The following AMPH variants were observed in gnomAD, a reference collection of about 807,000 sequenced individuals.
The protein encoded by AMPH is amphiphysin, also known as amphiphysin (Stiff-Mann syndrome with breast cancer 128kD autoantigen).
In AMPH, 49 loss-of-function variants were observed where a neutral mutation model predicts 99.1. The ratio of observed to expected loss-of-function variants is 0.49; its 90% CI spans 0.39 to 0.63. The LOEUF is 0.63. AMPH is among the 20% of genes least tolerant of loss of function. AMPH has a pLI of 0.00. For missense variants in AMPH, 759 were observed against 863.4 expected (o/e 0.88, Z 1.52); for synonymous variants, 314 against 317.3 (o/e 0.99, Z 0.11).
intron 1 of AMPH, among the ~76,000 whole-genome samples, chr7:38,557,332 T>C (rs1167505846): frequency 6.6e-6 from 1 of 152,210 alleles, no homozygotes; most frequent in African/African-American, 2.4e-5. Flanking sequence ...TCATCTTGAA[T>C]TGTAGCTCCC....
chr7:38,623,742 T>C (rs966110763), intron 1 of AMPH, among the ~76,000 whole-genome samples: 1 of 152,198 alleles, frequency 6.6e-6, no homozygotes, highest in Non-Finnish European at 1.5e-5. Flanking sequence ...ATTCTTTTTA[T>C]ACATGCACAC....
intron 1 of AMPH, among the ~76,000 whole-genome samples, chr7:38,588,186 T>C (rs1792734945): frequency 6.6e-6 from 1 of 151,984 alleles, no homozygotes; most frequent in Non-Finnish European, 1.5e-5. Flanking sequence ...ACTTCTGAGC[T>C]CAAGTGATCA....
chr7:38,506,889 C>G (rs1331533082), intron 2 of AMPH, among the ~76,000 whole-genome samples: 1 of 152,168 alleles, frequency 6.6e-6, no homozygotes, highest in Non-Finnish European at 1.5e-5. Context: ...CATGGTCCTT[C>G]CATGGAAATG....
chr7:38,534,427 C>T (rs1262759447), intron 2 of AMPH, among the ~76,000 whole-genome samples: 1 of 152,172 alleles, frequency 6.6e-6, no homozygotes, highest in East Asian at 1.9e-4. Context: ...AATCCCAACA[C>T]TTTGGGAGGC....
intron 14 of AMPH, chr7:38,429,280 C>A (rs1785907395): frequency 7.8e-7 from 1 of 1,286,356 alleles, no homozygotes; most frequent in African/African-American, 1.5e-5. Flanking sequence ...TGTTCATTTC[C>A]ACCTGGAAAG....
chr7:38,390,588 G>C (rs1346747323), intron 19 of AMPH, among the ~76,000 whole-genome samples: 2 of 152,136 alleles, frequency 1.3e-5, no homozygotes, highest in African/African-American at 4.8e-5. Context: ...GGCTTTTAAA[G>C]TGTGTATTTT....
At chr7:38,475,528 G>T in intron 6 of AMPH, 112 bp from the exon 7 acceptor site, 1 of 686,464 alleles carries the variant, frequency 1.5e-6, no homozygotes, top group Non-Finnish European at 2.4e-6. Flanking sequence ...AATATTTTGA[G>T]AAGGAGAGTA....
At chr7:38,410,296 T>C (rs1161103773) in intron 17 of AMPH, among the ~76,000 whole-genome samples, 1 of 152,198 alleles carries the variant, frequency 6.6e-6, no homozygotes, top group African/African-American at 2.4e-5. Context: ...CATTACACTT[T>C]GTTGGCAAAA....
intron 1 of AMPH, among the ~76,000 whole-genome samples, chr7:38,594,780 C>T (rs1399320413): frequency 1.3e-5 from 2 of 151,822 alleles, no homozygotes; most frequent in Non-Finnish European, 2.9e-5. Context: ...CCAAATTTCC[C>T]CTAAAGGAAG....
intron 1 of AMPH, among the ~76,000 whole-genome samples, chr7:38,623,412 A>G (rs1794136613): frequency 6.6e-6 from 1 of 152,228 alleles, no homozygotes; most frequent in South Asian, 2.1e-4. Context: ...ATATGTTTGC[A>G]TTAATAAAAA....
intron 12 of AMPH, among the ~76,000 whole-genome samples, chr7:38,435,693 G>A (rs1786231242): frequency 6.6e-6 from 1 of 152,134 alleles, no homozygotes; most frequent in African/African-American, 2.4e-5. Context: ...GGAGTGTGAG[G>A]GAGTGGTGAG....
chr7:38,486,649 C>T lies in AMPH; in HGVS notation c.396+4401G>A, dbSNP rs952283957. ...AGAAAAGAAAACTACAGACCAGTTT[C>T]GTGATTAACATAGATGCAAAAAACC... On this transcript the variant is annotated intron_variant, in intron 5 of 20. Coordinates refer to ENST00000356264, the MANE Select transcript of AMPH (RefSeq NM_001635.4). Among the ~76,000 whole-genome samples the T allele has an allele frequency of 9.2e-5, 14 of 152,136 alleles. No individual in the cohort carries two copies. The South Asian group carries it at 1.9e-3, about 20-fold the overall frequency.
chr7:38,538,198 G>A (rs1790684578), intron 1 of AMPH, among the ~76,000 whole-genome samples: 1 of 152,128 alleles, frequency 6.6e-6, no homozygotes, highest in African/African-American at 2.4e-5. Context: ...CATCAAACAG[G>A]TAAATAGACT....
chr7:38,405,367 T>G (rs2128981653), intron 17 of AMPH, among the ~76,000 whole-genome samples: 1 of 152,182 alleles, frequency 6.6e-6, no homozygotes, highest in South Asian at 2.1e-4. Context: ...AATATTAAAC[T>G]TGAGCATAAA....
intron 1 of AMPH, among the ~76,000 whole-genome samples, chr7:38,592,775 C>T (rs1279129879): frequency 6.6e-6 from 1 of 151,882 alleles, no homozygotes; most frequent in Non-Finnish European, 1.5e-5. Flanking sequence ...TGTGGTCTCA[C>T]CTGGTGATCC....
At chr7:38,569,736 C>T (rs1043432307) in intron 1 of AMPH, among the ~76,000 whole-genome samples, 2 of 151,944 alleles carry the variant, frequency 1.3e-5, no homozygotes, top group African/African-American at 2.4e-5. Context: ...CAGAGTAATC[C>T]GTGTGAGAGG....
chr7:38,502,792 C>T (rs924544583), intron 3 of AMPH, among the ~76,000 whole-genome samples: 1 of 152,100 alleles, frequency 6.6e-6, no homozygotes, highest in African/African-American at 2.4e-5. Context: ...CTGGTGCCAT[C>T]CCTACTGAAG....
At chr7:38,447,697 G>A (rs1786842966) in intron 11 of AMPH, among the ~76,000 whole-genome samples, 2 of 151,224 alleles carry the variant, frequency 1.3e-5, no homozygotes, top group South Asian at 4.2e-4. Context: ...CCACTTAGAA[G>A]TAAAACATAT....
chr7:38,535,923 G>A (rs1393894006), intron 1 of AMPH, among the ~76,000 whole-genome samples: 2 of 152,094 alleles, frequency 1.3e-5, no homozygotes, highest in Non-Finnish European at 2.9e-5. Context: ...CCAGGGTTTG[G>A]GGACCCTTGA....
Sources: allele counts gnomAD v4.1 joint callset (sites outside exome capture counted in the v4.1 genomes callset), GRCh38; gene constraint gnomAD v4.1.1; transcripts MANE v1.5; gene names NCBI Gene and HGNC (gene_info 2026-07-23, HGNC 2026-07-21).